Variants in SLMAP observed in about 807,000 individuals in gnomAD.
SLMAP encodes sarcolemma associated protein, also known as sarcolemmal membrane-associated protein.
A neutral mutation model predicts 128.8 loss-of-function variants in SLMAP; 44 were observed. That is an observed-to-expected ratio of 0.34 (90% CI 0.27 to 0.44). SLMAP has a LOEUF of 0.44. SLMAP is among the 20% of genes least tolerant of loss of function. The pLI is 1.00. For missense variants in SLMAP, 787 were observed against 985.3 expected, an observed-to-expected ratio of 0.80 and a Z score of 2.69; for synonymous variants, 327 against 348.8, an observed-to-expected ratio of 0.94 and a Z score of 0.70.
intron 13 of SLMAP, among the ~76,000 whole-genome samples, 187 bp from the exon 14 acceptor site, chr3:57,871,449 G>C (rs938051790): frequency 7.2e-5 from 11 of 152,110 alleles, no homozygotes; most frequent in Admixed American, 7.2e-4. Context: ...ACCATTCAGT[G>C]TACAAATTAA....
At chr3:57,865,210 G>T in intron 12 of SLMAP, 32 bp from the exon 13 acceptor site, 1 of 1,219,042 alleles carries the variant, frequency 8.2e-7, no homozygotes. Flanking sequence ...ATACTTCTTT[G>T]ATCAGGCAAT....
At position 57,853,960 on chromosome 3, in the gene SLMAP, TA is replaced by T. The variant is rs1560253109; in HGVS notation, c.520-3772del. ...CTGTCTCAAAAAAAAAAAAATTATA[TA>T]TATATATATATATATATATATATAT... On this transcript the variant is annotated intron_variant, in intron 6 of 24. Transcript: ENST00000671191. Among the ~76,000 whole-genome samples, 253 of 59,742 alleles carry T rather than the reference TA, an allele frequency of 4.2e-3. 3 individuals are homozygous for T. The highest frequency in any genetic ancestry group is 7.0e-3 in the Admixed American group (42 of 5,978). 39.2% of individuals were successfully genotyped at this position (59,742 alleles called of 152,430 possible). A position where few individuals can be genotyped will look rare whatever the true frequency, so the allele number is the denominator to read the frequency against.
At chr3:57,843,545 G>T (rs911098881) in intron 4 of SLMAP, among the ~76,000 whole-genome samples, 1 of 151,206 alleles carries the variant, frequency 6.6e-6, no homozygotes, top group African/African-American at 2.4e-5. Flanking sequence ...AGCACAGGCA[G>T]TCCACCCACC....
chr3:57,817,466 T>TA (rs1470303919), intron 2 of SLMAP, among the ~76,000 whole-genome samples: 2 of 152,210 alleles, frequency 1.3e-5, no homozygotes, highest in Non-Finnish European at 2.9e-5. Flanking sequence ...TTGTAGATGT[T>TA]ACAGTCATGT....
At chr3:57,818,822 T>C (rs116185083) in intron 2 of SLMAP, among the ~76,000 whole-genome samples, 1,941 of 152,354 alleles carry the variant, frequency 0.013, 27 homozygotes, top group African/African-American at 0.044. Context: ...TAGGGACTTA[T>C]GTTTAAGTCA....
chr3:57,762,838 C>T (rs1393648050), intron 2 of SLMAP, among the ~76,000 whole-genome samples: 2 of 149,466 alleles, frequency 1.3e-5, no homozygotes, highest in African/African-American at 4.9e-5. Context: ...GCCTCAGCTT[C>T]CCAAGTAGCT....
chr3:57,869,593 A>G (rs529761534), intron 13 of SLMAP, among the ~76,000 whole-genome samples: 1 of 137,592 alleles, frequency 7.3e-6, no homozygotes, highest in South Asian at 2.3e-4. Context: ...TAACTACTGC[A>G]CTTGATCCTA....
intron 14 of SLMAP, 137 bp downstream of exon 14, chr3:57,871,835 C>G: frequency 1.7e-6 from 1 of 596,160 alleles, no homozygotes; most frequent in Non-Finnish European, 3.0e-6. Context: ...AGCAGCAAAC[C>G]TTTTCATAAC....
intron 8 of SLMAP, among the ~76,000 whole-genome samples, chr3:57,858,922 A>G (rs1424731299): frequency 6.6e-6 from 1 of 152,152 alleles, no homozygotes; most frequent in African/African-American, 2.4e-5. Flanking sequence ...AGCCTGGGCA[A>G]CAAGAGTGAA....
At chr3:57,831,910 C>G (rs2093361704) in intron 3 of SLMAP, among the ~76,000 whole-genome samples, 1 of 152,196 alleles carries the variant, frequency 6.6e-6, no homozygotes, top group Admixed American at 6.5e-5. Context: ...GTCTTACTGT[C>G]TTCCTGTTCT....
Position 57,774,813 on chromosome 3 carries a change from T to G in SLMAP, c.198+16964T>G, listed in dbSNP as rs2081512887. ...TGCTGGGATTACAGGTGTGAGCCAT[T>G]GCGCCCGGCCAACAGACAATTATTT... On this transcript the variant is annotated intron_variant, in intron 2 of 24. Transcript: ENST00000671191. Among the ~76,000 whole-genome samples the G allele has an allele frequency of 2.6e-5, 4 of 151,862 alleles. No homozygotes were observed. The South Asian group carries it at 8.3e-4, about 32-fold the overall frequency.
intron 2 of SLMAP, among the ~76,000 whole-genome samples, chr3:57,809,475 A>G (rs748852762): frequency 6.6e-6 from 1 of 152,166 alleles, no homozygotes; most frequent in Admixed American, 6.5e-5. Flanking sequence ...AAGGAAGCCA[A>G]TGAGGGGCTG....
intron 14 of SLMAP, among the ~76,000 whole-genome samples, chr3:57,880,086 T>G (rs1432282069): frequency 6.6e-6 from 1 of 152,210 alleles, no homozygotes; most frequent in Non-Finnish European, 1.5e-5. Context: ...TATTCCTGAC[T>G]TGGGCTGCAG....
At chr3:57,803,644 C>T (rs1458352131) in intron 2 of SLMAP, among the ~76,000 whole-genome samples, 1 of 152,198 alleles carries the variant, frequency 6.6e-6, no homozygotes, top group African/African-American at 2.4e-5. Flanking sequence ...GTGTTGAAGT[C>T]AAATCTGGTC....
chr3:57,814,315 A>AT (rs1301268705), intron 2 of SLMAP, among the ~76,000 whole-genome samples: 1 of 151,358 alleles, frequency 6.6e-6, no homozygotes, highest in East Asian at 2.0e-4. Flanking sequence ...TCATTTTTTG[A>AT]TTTTTTGTAG....
chr3:57,759,939 A>C (rs985981119), intron 2 of SLMAP, among the ~76,000 whole-genome samples: 10 of 152,062 alleles, frequency 6.6e-5, no homozygotes, highest in African/African-American at 2.4e-4. Flanking sequence ...ATGACATGTT[A>C]ATATTTGTTT....
In SLMAP at chr3:57,835,528, G is replaced by A. The variant is rs535187022; in HGVS notation, c.346+3998G>A. ...ATTTATTCCAGAAATGCCAAGATGA[G>A]TCAGTATCAGGCAGTCTATCAACAT... On this transcript the variant is annotated intron_variant, in intron 3 of 24. Coordinates refer to ENST00000671191, the MANE Select transcript of SLMAP (RefSeq NM_001377540.1). Among the ~76,000 whole-genome samples, 174 of 152,260 alleles carry A rather than the reference G, an allele frequency of 1.1e-3. 1 individual carries two copies. Among genetic ancestry groups the A allele is most frequent in the African/African-American group, 4.1e-3 (169 of 41,556 alleles).
chr3:57,837,471 C>A (rs1380142165), intron 3 of SLMAP, among the ~76,000 whole-genome samples: 1 of 152,142 alleles, frequency 6.6e-6, no homozygotes, highest in African/African-American at 2.4e-5. Context: ...TGGGTTCTTG[C>A]CATTCTCCTG....
At chr3:57,839,110 A>C (rs1462118562) in intron 3 of SLMAP, among the ~76,000 whole-genome samples, 1 of 150,802 alleles carries the variant, frequency 6.6e-6, no homozygotes, top group Non-Finnish European at 1.5e-5. Flanking sequence ...CACCACCCCC[A>C]CCCTGCTAAT....
Sources: allele counts gnomAD v4.1 joint callset (sites outside exome capture counted in the v4.1 genomes callset), GRCh38; gene constraint gnomAD v4.1.1; transcripts MANE v1.5; gene names NCBI Gene and HGNC (gene_info 2026-07-23, HGNC 2026-07-21).